The following SEC24A variants were observed in gnomAD, a reference collection of about 807,000 sequenced individuals.
The protein encoded by SEC24A is SEC24 homolog A, COPII component.
SEC24A carries 93 observed loss-of-function variants against 129.4 expected under a neutral mutation model. The observed-to-expected ratio is 0.72, with a 90% CI of 0.61 to 0.85. SEC24A has a LOEUF of 0.85. Among genes scored for constraint, SEC24A ranks in the 40% least tolerant of loss-of-function variants. The pLI is 0.00. For synonymous variants in SEC24A, 460 were observed against 467.3 expected, an observed-to-expected ratio of 0.98 and a Z score of 0.20; for missense variants, 1,264 against 1,307.4, an observed-to-expected ratio of 0.97 and a Z score of 0.51.
rs1382337581 is a variant in SEC24A at position 134,686,932 on chromosome 5, A to C, written c.1604+30A>C. 5 of 1,181,778 alleles carry C rather than the reference A, an allele frequency of 4.2e-6. No individual in the cohort carries two copies. The African/African-American group carries it at 6.2e-5, about 15-fold the overall frequency. The allele number at this position is 1,181,778 out of a possible 1,614,324, so 73.2% of individuals were successfully genotyped here. ...GTTTCTCAATTCAGCTTAAATATGA[A>C]ACTAATAATATTTTCTAAATGAATA... On this transcript the variant is annotated intron_variant, in intron 10 of 22. Transcript: ENST00000398844.
rs914607744 is a variant in SEC24A at position 134,688,053 on chromosome 5, ATTTG to A, written c.1605-122_1605-119del. 1.5e-4 allele frequency: 104 copies of A among 702,088 alleles called. 1 individual carries two copies. Among genetic ancestry groups the A allele is most frequent in the South Asian group, 1.3e-3 (80 of 61,770 alleles). 43.5% of individuals were successfully genotyped at this position (702,088 alleles called of 1,614,324 possible). A position where few individuals can be genotyped will look rare whatever the true frequency, so the allele number is the denominator to read the frequency against. On this transcript the variant is annotated intron_variant, in intron 10 of 22. Coordinates refer to ENST00000398844, the MANE Select transcript of SEC24A (RefSeq NM_021982.3). ...ATGGTAAACGTTGGGTGGTTTAAAC[ATTTG>A]TTTGTGTTGGGCCAATTTCTATAAT...
chr5:134,649,271 C>A, intron 1 of SEC24A, 98 bp downstream of exon 1: 1 of 866,204 alleles, frequency 1.2e-6, no homozygotes, highest in Non-Finnish European at 1.7e-6. Context: ...AGAGTGACCT[C>A]CTTACCGGGT....
chr5:134,667,290 C>G (rs1420858789), intron 3 of SEC24A, among the ~76,000 whole-genome samples: 2 of 151,690 alleles, frequency 1.3e-5, no homozygotes, highest in East Asian at 3.8e-4. Flanking sequence ...AGGAGAATTA[C>G]TACTTTTCTT....
chr5:134,697,887 G>C lies in SEC24A; in HGVS notation c.2108-12G>C. On this transcript the variant is annotated splice_polypyrimidine_tract_variant and intron_variant, in intron 14 of 22. Coordinates refer to ENST00000398844, the MANE Select transcript of SEC24A (RefSeq NM_021982.3). Reference sequence around the variant, plus strand: ...AACGGCACAGTTTAAAACAGTGTGTGTTCTCTTCCAGGTTGTATTTCTCGG... The same window carrying C: ...AACGGCACAGTTTAAAACAGTGTGTCTTCTCTTCCAGGTTGTATTTCTCGG... 1 of 1,607,310 alleles carries C rather than the reference G, an allele frequency of 6.2e-7. No homozygotes were observed. The highest frequency in any genetic ancestry group is 8.5e-7 in the Non-Finnish European group (1 of 1,177,768).
At chr5:134,667,026 C>T (rs1177263436) in intron 3 of SEC24A, 30 bp downstream of exon 3, 2 of 1,508,134 alleles carry the variant, frequency 1.3e-6, no homozygotes, top group Non-Finnish European at 8.9e-7. Context: ...AAGTCAAATC[C>T]TCAAGTTTTG....
intron 14 of SEC24A, among the ~76,000 whole-genome samples, chr5:134,697,460 C>T (rs984382172): frequency 3.3e-5 from 5 of 151,930 alleles, no homozygotes; most frequent in Admixed American, 6.6e-5. Flanking sequence ...GAATGCAGGC[C>T]GGGTATGATG....
chr5:134,670,646 A>G (rs535960608), intron 3 of SEC24A, among the ~76,000 whole-genome samples: 22 of 152,300 alleles, frequency 1.4e-4, no homozygotes, highest in African/African-American at 4.6e-4. Context: ...GTTCTAATTC[A>G]TTTATGTCAT....
Position 134,649,056 on chromosome 5 carries a change from G to A in SEC24A, c.-21G>A, listed in dbSNP as rs775476020. 2.5e-6 allele frequency: 4 copies of A among 1,587,666 alleles called. No homozygotes were observed. The Admixed American group carries it at 5.2e-5, about 21-fold the overall frequency. ...TGTGCGCTGTTGTCGACCCCGACCA[G>A]CCCCTTCCAACCCAGTCATCATGTC... On this transcript the variant is annotated 5_prime_UTR_variant, in exon 1 of 23. Coordinates refer to ENST00000398844, the MANE Select transcript of SEC24A (RefSeq NM_021982.3).
At chr5:134,715,564 A>C (rs904949575) in intron 19 of SEC24A, 8 of 161,668 alleles carry the variant, frequency 4.9e-5, no homozygotes, top group African/African-American at 1.9e-4. Flanking sequence ...GATGACACAC[A>C]AATTCGTGAA....
intron 1 of SEC24A, among the ~76,000 whole-genome samples, chr5:134,656,413 G>A (rs1201657643): frequency 6.6e-6 from 1 of 152,006 alleles, no homozygotes; most frequent in African/African-American, 2.4e-5. Flanking sequence ...TCTCCACTTA[G>A]ATTTCTTGGT....
intron 21 of SEC24A, among the ~76,000 whole-genome samples, chr5:134,722,681 A>G (rs916967902): frequency 1.3e-5 from 2 of 152,210 alleles, no homozygotes; most frequent in East Asian, 3.8e-4. Context: ...TGGGCCTTTA[A>G]GAAGTTTGCC....
chr5:134,689,766 G>GAAAA (rs748091382), intron 11 of SEC24A, among the ~76,000 whole-genome samples: 1 of 92,788 alleles, frequency 1.1e-5, no homozygotes, highest in African/African-American at 4.0e-5. Flanking sequence ...TCCATCTCAA[G>GAAAA]AAAAAAAAAA....
At chr5:134,715,676 G>A (rs2150111601) in intron 19 of SEC24A, 1 of 153,824 alleles carries the variant, frequency 6.5e-6, no homozygotes, top group Non-Finnish European at 1.4e-5. Flanking sequence ...ATCATACACT[G>A]GGTCCTGTCA....
At chr5:134,682,772 G>C (rs1007266521) in intron 9 of SEC24A, among the ~76,000 whole-genome samples, 1 of 151,932 alleles carries the variant, frequency 6.6e-6, no homozygotes, top group African/African-American at 2.4e-5. Context: ...TTGCTATGTT[G>C]CCCAGGCTGG....
Position 134,718,101 on chromosome 5 carries a change from T to G in SEC24A, c.2898T>G (p.Pro966=), listed in dbSNP as rs760520359. 29 of 1,614,120 alleles carry G rather than the reference T, an allele frequency of 1.8e-5. No homozygotes were observed. Among genetic ancestry groups the G allele is most frequent in the Non-Finnish European group, 2.5e-5 (29 of 1,180,002 alleles). Residue 966 remains proline (P), a synonymous_variant, in exon 20 of 23, where the codon CCT becomes CCG. Coordinates refer to ENST00000398844, the MANE Select transcript of SEC24A (RefSeq NM_021982.3). ...GALNISDRTI[P]QPPILQLSVE... is the part of the protein sequence containing the mutation. ...TCAACATCAGTGATAGAACCATACC[T>G]CAGCCCCCCATTCTTCAGCTTTCAG...
At chr5:134,673,843 C>T (rs562683034) in intron 4 of SEC24A, among the ~76,000 whole-genome samples, 1 of 152,202 alleles carries the variant, frequency 6.6e-6, no homozygotes, top group South Asian at 2.1e-4. Flanking sequence ...AATCCATTAA[C>T]AAGATTTTTG....
rs1752440250 is a variant in SEC24A at position 134,715,145 on chromosome 5, A to G, written c.2849A>G (p.Asp950Gly). The G allele has an allele frequency of 6.2e-7, 1 of 1,609,760 alleles. No homozygotes were observed. Among genetic ancestry groups the G allele is most frequent in the Admixed American group, 1.7e-5 (1 of 58,692 alleles). The change falls in exon 19 of 23, where the codon GAC (aspartate) becomes GGC (glycine). Residue 950 changes from aspartate (D) to glycine (G), a missense_variant. By Grantham distance (94) the Asp-to-Gly change is moderately conservative (BLOSUM62 -1). Coordinates refer to ENST00000398844, the MANE Select transcript of SEC24A (RefSeq NM_021982.3). The part of the protein sequence containing the change: ...LTTHPSLYRV[D>G]NLSDEGALNI... ...ACTCATCCCAGTTTGTATAGAGTTG[A>G]CAATCTCTCAGATGAGGTAAGATGG...
At chr5:134,678,576 A>AT (rs1417156298) in intron 7 of SEC24A, among the ~76,000 whole-genome samples, 4 of 150,010 alleles carry the variant, frequency 2.7e-5, no homozygotes, top group African/African-American at 7.4e-5. Flanking sequence ...ATATATATAT[A>AT]TATATTTTTT....
At chr5:134,711,914 A>AT (rs1409493616) in intron 18 of SEC24A, among the ~76,000 whole-genome samples, 5 of 151,772 alleles carry the variant, frequency 3.3e-5, no homozygotes, top group Non-Finnish European at 4.4e-5. Context: ...CGCCCGGCTA[A>AT]TTTTTTGTAT....
Sources: gnomAD v4.1 joint callset for allele counts (sites outside exome capture counted in the v4.1 genomes callset) on GRCh38, gnomAD v4.1.1 for gene constraint, MANE v1.5 for transcripts, NCBI Gene and HGNC (gene_info 2026-07-23, HGNC 2026-07-21) for gene names.